COL18A1: variants seen among roughly 807,000 people sequenced by gnomAD.
The protein encoded by COL18A1 is collagen alpha-1(XVIII) chain.
A neutral mutation model predicts 168.0 loss-of-function variants in COL18A1; 133 were observed. The ratio of observed to expected loss-of-function variants is 0.79; its 90% CI spans 0.69 to 0.91. COL18A1 has a LOEUF of 0.91. COL18A1 is among the 40% of genes least tolerant of loss of function. COL18A1 has a pLI of 0.00. For missense variants in COL18A1, 2,126 were observed against 1,925.4 expected (o/e 1.10, Z -1.95); for synonymous variants, 949 against 809.0 (o/e 1.17, Z -2.94).
chr21:45,417,163 C>T (rs760001682), intron 2 of COL18A1, among the ~76,000 whole-genome samples: 2 of 152,290 alleles, frequency 1.3e-5, no homozygotes, highest in East Asian at 3.9e-4. Context: ...GCTGGGATCC[C>T]GGAGAGCCCG....
intron 4 of COL18A1, among the ~76,000 whole-genome samples, chr21:45,475,182 G>A (rs2035603468): frequency 6.6e-6 from 1 of 152,234 alleles, no homozygotes; most frequent in South Asian, 2.1e-4. Flanking sequence ...CCAGAAGAGA[G>A]GAGCGCGTTC....
intron 2 of COL18A1, chr21:45,407,727 A>G (rs1479719201): frequency 6.6e-6 from 1 of 152,360 alleles, no homozygotes; most frequent in African/African-American, 2.4e-5. Flanking sequence ...ACACTCCACC[A>G]TGGCATCAAG....
At chr21:45,430,994 C>G (rs370965620) in intron 2 of COL18A1, among the ~76,000 whole-genome samples, 72 of 152,364 alleles carry the variant, frequency 4.7e-4, no homozygotes, top group African/African-American at 1.6e-3. Context: ...CCCGGGGTGC[C>G]CTTGCCTGTT....
At position 45,498,793 on chromosome 21, in the gene COL18A1, C is replaced by G. The variant is rs1417509302; in HGVS notation, c.2683+1132C>G. 6.6e-6 allele frequency among the ~76,000 whole-genome samples: 1 copy of G among 152,196 alleles called. No homozygotes were observed. Among genetic ancestry groups the G allele is most frequent in the South Asian group, 2.1e-4 (1 of 4,826 alleles). ...CAGGAGGCCCAGCTCATGGGGTCAT[C>G]GGACCCACCTTGAACTCTGAAGGTC... On this transcript the variant is annotated intron_variant, in intron 32 of 41. Transcript: ENST00000651438. The surrounding 1 kb of genome is among the most constrained non-coding windows in gnomAD (Gnocchi z 4.5).
chr21:45,407,583 G>A (rs1311900389), intron 2 of COL18A1: 1 of 152,270 alleles, frequency 6.6e-6, no homozygotes, highest in Non-Finnish European at 1.5e-5. Flanking sequence ...TGACCCCCAA[G>A]AGGTGCTTGT....
In COL18A1 at chr21:45,457,328, A is replaced by C. The variant is rs2034869797; in HGVS notation, c.107-10914A>C. Among the ~76,000 whole-genome samples, 2 of 152,172 alleles carry C rather than the reference A, an allele frequency of 1.3e-5. No homozygotes were observed. On this transcript the variant is annotated intron_variant, in intron 2 of 41. Transcript: ENST00000651438. This position sits in a 1 kb window ranked among gnomAD's most constrained non-coding sequence, Gnocchi z 4.6. The stretch of plus-strand genomic sequence containing the variant: ...GTTCGATGCGCTTCCTGGGAGCCCC[A>C]GCGTGCTCGGGCCAAGGGTGCTGCC...
chr21:45,500,538 G>A (rs1405267679), intron 32 of COL18A1, among the ~76,000 whole-genome samples: 1 of 66,504 alleles, frequency 1.5e-5, no homozygotes, highest in African/African-American at 7.2e-5. Context: ...TGTGTAGGGT[G>A]TGGTTTGGTG....
At chr21:45,487,679 C>T (rs957112074) in intron 17 of COL18A1, 170 bp downstream of exon 17, 7 of 808,284 alleles carry the variant, frequency 8.7e-6, no homozygotes, top group Middle Eastern at 3.4e-4. Context: ...CCTTGTTCTT[C>T]GGAGATGCCC....
At chr21:45,506,024 G>A in intron 37 of COL18A1, 58 bp downstream of exon 37, 2 of 1,611,566 alleles carry the variant, frequency 1.2e-6, no homozygotes, top group Non-Finnish European at 8.5e-7. Context: ...CGCCTCCTGG[G>A]GCTTAAGGAA....
At chr21:45,429,826 C>T (rs955228266) in intron 2 of COL18A1, among the ~76,000 whole-genome samples, 4 of 152,236 alleles carry the variant, frequency 2.6e-5, no homozygotes, top group Non-Finnish European at 5.9e-5. Flanking sequence ...CAAGCCTGCC[C>T]GCCTTGGTTC....
At chr21:45,499,810 AAC>A (rs1051747857) in intron 32 of COL18A1, among the ~76,000 whole-genome samples, 11 of 152,354 alleles carry the variant, frequency 7.2e-5, no homozygotes, top group African/African-American at 2.4e-4. Context: ...GGACGTTTAA[AAC>A]ACACAGAGTA....
At chr21:45,484,331 G>A (rs1212166036) in intron 15 of COL18A1, among the ~76,000 whole-genome samples, 3 of 119,992 alleles carry the variant, frequency 2.5e-5, no homozygotes, top group Non-Finnish European at 5.0e-5. Flanking sequence ...GCACACACAT[G>A]CACACACACA....
At position 45,456,666 on chromosome 21, in the gene COL18A1, C is replaced by T. The variant is rs8133886; in HGVS notation, c.107-11576C>T. 0.32 allele frequency: 489,218 copies of T among 1,533,284 alleles called. 81,560 individuals carry two copies. The highest frequency in any genetic ancestry group is 0.55 in the African/African-American group (40,328 of 72,904). The allele number at this position is 1,533,284 out of a possible 1,614,324, so 95.0% of individuals were successfully genotyped here. A position where few individuals can be genotyped will look rare whatever the true frequency, so the allele number is the denominator to read the frequency against. On this transcript the variant is annotated intron_variant, in intron 2 of 41. Transcript: ENST00000651438. ...CGGGCGTGGGGGGGCCTGCTGCAGA[C>T]GCACTGCCACCCCTTCCTCGCCTGG... is the stretch of plus-strand genomic sequence containing the variant.
intron 2 of COL18A1, among the ~76,000 whole-genome samples, chr21:45,413,469 G>T (rs1052778735): frequency 2.6e-5 from 4 of 152,236 alleles, no homozygotes; most frequent in Non-Finnish European, 4.4e-5. Flanking sequence ...CGACCCCTCG[G>T]CTGTCAGGAG....
Position 45,477,445 on chromosome 21 carries a change from G to T in COL18A1, c.963G>T (p.Thr321=), listed in dbSNP as rs778100248. The T allele has an allele frequency of 2.5e-6, 4 of 1,613,094 alleles. No individual in the cohort carries two copies. In the Admixed American group the frequency reaches 5.0e-5, roughly 20 times the overall value. Residue 321 remains threonine, a synonymous_variant, in exon 7 of 42, where the codon ACG becomes ACT. Transcript: ENST00000651438. ...TTCCTGGCTCAGATTCTGTCTCCAC[G>T]TGGGACGGGAGTGTCCGGACCCCTG... is the stretch of plus-strand genomic sequence containing the variant. The part of the protein sequence containing the change: ...QTLPGSDSVS[T]WDGSVRTPGG...
chr21:45,459,979 C>T (rs1223843605), intron 2 of COL18A1, among the ~76,000 whole-genome samples: 2 of 151,544 alleles, frequency 1.3e-5, no homozygotes, highest in Admixed American at 6.6e-5. Flanking sequence ...CCCCTGGGAC[C>T]GGAGGCAGGT....
intron 8 of COL18A1, 173 bp downstream of exon 8, chr21:45,478,138 G>T: frequency 1.2e-6 from 1 of 811,498 alleles, no homozygotes; most frequent in East Asian, 2.7e-5. Flanking sequence ...GTCAGACGTG[G>T]GAGGCGGAGC....
intron 2 of COL18A1, chr21:45,456,814 G>T (rs1243851041): frequency 2.0e-6 from 3 of 1,532,110 alleles, no homozygotes; most frequent in East Asian, 5.0e-5. Flanking sequence ...GGGGCCGGCT[G>T]CCCGTCGCCT....
intron 32 of COL18A1, among the ~76,000 whole-genome samples, chr21:45,503,308 T>G (rs1394359598): frequency 6.6e-6 from 1 of 152,138 alleles, no homozygotes. Flanking sequence ...GATTTGCATT[T>G]CTCTGATGGC....
Sources: allele counts gnomAD v4.1 joint callset (sites outside exome capture counted in the v4.1 genomes callset), GRCh38; gene constraint gnomAD v4.1.1; non-coding constraint Gnocchi (gnomAD v3.1); transcripts MANE v1.5; gene names NCBI Gene and HGNC (gene_info 2026-07-23, HGNC 2026-07-21).